ADHFE1: variants seen among roughly 807,000 people sequenced by gnomAD.
ADHFE1 encodes the protein hydroxyacid-oxoacid transhydrogenase, mitochondrial.
In ADHFE1, 37 loss-of-function variants were observed where a neutral mutation model predicts 54.8. That is an observed-to-expected ratio of 0.68 (90% CI 0.52 to 0.89). The LOEUF is 0.89. Ranked by LOEUF, ADHFE1 falls within the 40% of genes least tolerant of loss-of-function variation. The pLI is 0.00. For synonymous variants in ADHFE1, 203 were observed against 229.3 expected (o/e 0.89, Z 1.04); for missense variants, 601 against 591.2 (o/e 1.02, Z -0.17).
intron 1 of ADHFE1, among the ~76,000 whole-genome samples, chr8:66,438,307 C>T (rs1805566597): frequency 1.3e-5 from 2 of 152,060 alleles, no homozygotes; most frequent in Non-Finnish European, 2.9e-5. Flanking sequence ...TGTTTGAGGC[C>T]TTGGTGCATA....
At chr8:66,462,221 C>G (rs1806937915) in intron 13 of ADHFE1, among the ~76,000 whole-genome samples, 1 of 152,112 alleles carries the variant, frequency 6.6e-6, no homozygotes, top group Admixed American at 6.6e-5. Context: ...CAACCAAAGA[C>G]AGGGGAGCCA....
chr8:66,453,821 T>C (rs1333589778), intron 9 of ADHFE1: 1 of 1,452,552 alleles, frequency 6.9e-7, no homozygotes, highest in African/African-American at 1.4e-5. Context: ...CGCTTTTACA[T>C]CACATGAGCA....
chr8:66,432,663 T>C (rs1190552328), intron 1 of ADHFE1, 88 bp downstream of exon 1: 2 of 1,238,120 alleles, frequency 1.6e-6, no homozygotes, highest in Non-Finnish European at 2.0e-6. Context: ...TGCGCAGTCT[T>C]CTCCGCTTAC....
chr8:66,451,158 G>C (rs1806279018), intron 8 of ADHFE1, among the ~76,000 whole-genome samples: 1 of 152,258 alleles, frequency 6.6e-6, no homozygotes, highest in Admixed American at 6.5e-5. Flanking sequence ...CTCTTCTGCA[G>C]TTGATGAGCT....
At position 66,468,358 on chromosome 8, in the gene ADHFE1, A is replaced by AT. The variant is rs1251217376; in HGVS notation, c.*10dup. 6.2e-7 allele frequency: 1 copy of AT among 1,609,408 alleles called. No individual in the cohort carries two copies. Among genetic ancestry groups the AT allele is most frequent in the Non-Finnish European group, 8.5e-7 (1 of 1,177,314 alleles). On this transcript the variant is annotated 3_prime_UTR_variant, in exon 14 of 14. Transcript: ENST00000396623. ...CTTCAATGAAACTGTATTAATTGTC[A>AT]TTTTAACTGAAAGAATTACCGCTGG...
At chr8:66,460,259 G>T in intron 12 of ADHFE1, 49 bp from the exon 13 acceptor site, 1 of 1,607,958 alleles carries the variant, frequency 6.2e-7, no homozygotes. Flanking sequence ...ACTCCACCCA[G>T]AGCCCGTTTC....
At chr8:66,458,061 T>C (rs1262793483) in intron 12 of ADHFE1, among the ~76,000 whole-genome samples, 1 of 152,196 alleles carries the variant, frequency 6.6e-6, no homozygotes, top group East Asian at 1.9e-4. Context: ...ACAGTACCTT[T>C]TGAATCTTAC....
chr8:66,465,744 C>T (rs1193838502), intron 13 of ADHFE1, among the ~76,000 whole-genome samples: 2 of 151,190 alleles, frequency 1.3e-5, no homozygotes, highest in Admixed American at 6.6e-5. Context: ...GGACTACAGG[C>T]GTGCACCACC....
At chr8:66,436,741 G>T (rs1446086694) in intron 1 of ADHFE1, among the ~76,000 whole-genome samples, 1 of 152,188 alleles carries the variant, frequency 6.6e-6, no homozygotes, top group African/African-American at 2.4e-5. Flanking sequence ...AGGTCACTAA[G>T]GGACTGAGTG....
In ADHFE1 at chr8:66,439,179, T is replaced by C. The variant is rs898891294; in HGVS notation, c.60-983T>C. ...GAATTTTTGAGATCTGGACGGCCAC[T>C]GAGATCAACCCTTTTCCTTCCTCCC... On this transcript the variant is annotated intron_variant, in intron 1 of 13. Coordinates refer to ENST00000396623, the MANE Select transcript of ADHFE1 (RefSeq NM_144650.3). The surrounding 1 kb of genome is among the most constrained non-coding windows in gnomAD (Gnocchi z 4.4). The C allele has an allele frequency of 1.5e-4, 145 of 985,012 alleles. No homozygotes were observed. The highest frequency in any genetic ancestry group is 1.2e-4 in the Non-Finnish European group (103 of 829,710). 61.0% of individuals were successfully genotyped at this position (985,012 alleles called of 1,614,324 possible). A position where few individuals can be genotyped will look rare whatever the true frequency, so the allele number is the denominator to read the frequency against.
intron 1 of ADHFE1, chr8:66,432,840 C>G: frequency 8.2e-7 from 1 of 1,221,014 alleles, no homozygotes; most frequent in Admixed American, 4.3e-5. Flanking sequence ...GACCTGGTCC[C>G]ACATCGTAGC....
intron 3 of ADHFE1, among the ~76,000 whole-genome samples, chr8:66,443,520 T>C (rs1265172369): frequency 6.6e-6 from 1 of 152,154 alleles, no homozygotes; most frequent in African/African-American, 2.4e-5. Context: ...TCAGGTGATC[T>C]GACCACCTCG....
chr8:66,463,941 G>C (rs1045138300), intron 13 of ADHFE1, among the ~76,000 whole-genome samples: 1 of 152,148 alleles, frequency 6.6e-6, no homozygotes, highest in Admixed American at 6.5e-5. Flanking sequence ...CAGGCTGCAA[G>C]GGGAGCAGGC....
At chr8:66,447,819 T>C (rs1472283215) in intron 7 of ADHFE1, among the ~76,000 whole-genome samples, 2 of 152,244 alleles carry the variant, frequency 1.3e-5, no homozygotes, top group African/African-American at 4.8e-5. Context: ...AATTGGCCAT[T>C]CTCTGCCCAA....
At chr8:66,443,948 C>T (rs924166158) in intron 3 of ADHFE1, among the ~76,000 whole-genome samples, 1 of 152,086 alleles carries the variant, frequency 6.6e-6, no homozygotes, top group Non-Finnish European at 1.5e-5. Context: ...GGCCCTGTGT[C>T]TCTTATTCAT....
At chr8:66,444,341 C>T (rs1258811833) in intron 3 of ADHFE1, 26 bp from the exon 4 acceptor site, 1 of 1,612,232 alleles carries the variant, frequency 6.2e-7, no homozygotes, top group Admixed American at 1.7e-5. Flanking sequence ...ATACTCCCTA[C>T]ACCTAAACCT....
chr8:66,436,037 T>G (rs1464340361), intron 1 of ADHFE1, among the ~76,000 whole-genome samples: 1 of 151,514 alleles, frequency 6.6e-6, no homozygotes, highest in Non-Finnish European at 1.5e-5. Context: ...TGCCTCAGCC[T>G]GCTGAGTAGC....
At chr8:66,453,562 C>T in intron 9 of ADHFE1, 1 of 534,068 alleles carries the variant, frequency 1.9e-6, no homozygotes, top group Non-Finnish European at 3.1e-6. Flanking sequence ...ATAACATCCA[C>T]TTCCTCAATA....
intron 9 of ADHFE1, 147 bp from the exon 10 acceptor site, chr8:66,453,912 G>A (rs1806439748): frequency 6.0e-6 from 9 of 1,510,126 alleles, no homozygotes; most frequent in Admixed American, 4.4e-5. Context: ...TAGAAGACAA[G>A]GCGTCGTTTG....
Sources: allele counts gnomAD v4.1 joint callset (sites outside exome capture counted in the v4.1 genomes callset), GRCh38; gene constraint gnomAD v4.1.1; non-coding constraint Gnocchi (gnomAD v3.1); transcripts MANE v1.5; gene names NCBI Gene and HGNC (gene_info 2026-07-23, HGNC 2026-07-21).